Variants in PRKN observed in about 807,000 individuals in gnomAD.
PRKN encodes the protein E3 ubiquitin-protein ligase parkin.
PRKN carries 56 observed loss-of-function variants against 59.5 expected under a neutral mutation model. The observed-to-expected ratio is 0.94, with a 90% confidence interval of 0.76 to 1.18. The LOEUF (loss-of-function observed/expected upper bound fraction) is 1.18. PRKN is among the 50% of genes most tolerant of loss of function. The pLI is 0.00. For missense variants in PRKN, 657 were observed against 596.4 expected (o/e 1.10, Z -1.06); for synonymous variants, 250 against 222.1 (o/e 1.13, Z -1.12).
At chr6:161,828,882 A>G (rs2128218182) in intron 6 of PRKN, among the ~76,000 whole-genome samples, 1 of 151,640 alleles carries the variant, frequency 6.6e-6, no homozygotes, top group East Asian at 2.0e-4. Context: ...GTGAGCTGAG[A>G]TCACGCCATT....
chr6:161,674,692 T>C (rs1785026514), intron 7 of PRKN, among the ~76,000 whole-genome samples: 1 of 152,234 alleles, frequency 6.6e-6, no homozygotes, highest in Non-Finnish European at 1.5e-5. Context: ...GAACTGATGC[T>C]ATTTTTTCCT....
intron 3 of PRKN, among the ~76,000 whole-genome samples, chr6:162,222,297 A>G (rs536657832): frequency 2.0e-5 from 3 of 152,172 alleles, no homozygotes; most frequent in Non-Finnish European, 4.4e-5. Flanking sequence ...AAATCGGTTG[A>G]TTTTGAATTA....
intron 7 of PRKN, among the ~76,000 whole-genome samples, chr6:161,662,231 C>A (rs79719926): frequency 0.013 from 2,012 of 152,156 alleles, 42 homozygotes; most frequent in African/African-American, 0.046. Context: ...GAGGAATGTG[C>A]TATTTTGCGA....
intron 6 of PRKN, among the ~76,000 whole-genome samples, chr6:161,918,136 C>T (rs12174410): frequency 0.064 from 9,759 of 152,214 alleles, 407 homozygotes; most frequent in South Asian, 0.15. Flanking sequence ...CCCTGCTGTG[C>T]GGGATTTCTA....
intron 5 of PRKN, among the ~76,000 whole-genome samples, chr6:161,979,452 T>G (rs1248799411): frequency 6.6e-6 from 1 of 152,058 alleles, no homozygotes. Flanking sequence ...TTTTGTATTT[T>G]TAGTAGAGAT....
chr6:162,667,768 T>C lies in PRKN; in HGVS notation c.7+59894A>G, dbSNP rs189971926. Reference sequence around the variant, plus strand: ...GGAATCTCGATTCACCACTTAGAGCTGAGTAAAAATAGGCAAATTATTTAA... The same window carrying C: ...GGAATCTCGATTCACCACTTAGAGCCGAGTAAAAATAGGCAAATTATTTAA... On this transcript the variant is annotated intron_variant, in intron 1 of 11. Coordinates refer to ENST00000366898, the MANE Select transcript of PRKN (RefSeq NM_004562.3). 4.7e-3 allele frequency among the ~76,000 whole-genome samples: 719 copies of C among 152,248 alleles called. 18 individuals carry two copies. The highest frequency in any genetic ancestry group is 0.042 in the Admixed American group (639 of 15,296).
Position 162,262,733 on chromosome 6 carries a change from G to A in PRKN, c.204C>T (p.His68=), listed in dbSNP as rs753258149. 3 of 1,596,976 alleles carry A rather than the reference G, an allele frequency of 1.9e-6. No homozygotes were observed. Among genetic ancestry groups the A allele is most frequent in the African/African-American group, 2.7e-5 (2 of 73,044 alleles). The part of the protein sequence containing the change: ...NCDLDQQSIV[H]IVQRPWRKGQ... ...CTTTTCTCCACGGTCTCTGCACAAT[G>A]TGAACAATGCTCTGCTGATCCAGGT... The change falls in exon 3 of 12, where the codon CAC becomes CAT. Residue 68 remains histidine (H), a synonymous_variant. Transcript: ENST00000366898.
chr6:161,664,688 C>T (rs971573693), intron 7 of PRKN, among the ~76,000 whole-genome samples: 7 of 152,050 alleles, frequency 4.6e-5, no homozygotes, highest in African/African-American at 1.7e-4. Flanking sequence ...GAATTTCAGT[C>T]TGGATTTTAA....
At chr6:162,174,625 T>C (rs7453183) in intron 4 of PRKN, among the ~76,000 whole-genome samples, 122,658 of 152,140 alleles carry the variant, frequency 0.81, 52,746 homozygotes, top group Non-Finnish European at 0.97. Flanking sequence ...TCACTATCTA[T>C]TTTGGCTTCA....
chr6:162,336,620 G>A (rs1236779539), intron 2 of PRKN, among the ~76,000 whole-genome samples: 2 of 152,234 alleles, frequency 1.3e-5, no homozygotes, highest in African/African-American at 2.4e-5. Context: ...GAGATTGCAT[G>A]TGAGCGGGAC....
intron 6 of PRKN, among the ~76,000 whole-genome samples, chr6:161,950,550 A>G (rs1184674557): frequency 6.6e-6 from 1 of 152,152 alleles, no homozygotes; most frequent in Non-Finnish European, 1.5e-5. Flanking sequence ...GTCTCAAAAA[A>G]AGTGGTTCTC....
At position 161,363,015 on chromosome 6, in the gene PRKN, G is replaced by A. The variant is rs1360626782; in HGVS notation, c.1168-2810C>T. On this transcript the variant is annotated intron_variant, in intron 10 of 11. Transcript: ENST00000366898. The surrounding 1 kb of genome is among the most constrained non-coding windows in gnomAD (Gnocchi z 4.1). ...CCAGCACTTTGGGAGGCTGAGGCAG[G>A]TGGATCACTTGAGGCCGGGTGTTCA... 6.6e-6 allele frequency among the ~76,000 whole-genome samples: 1 copy of A among 152,188 alleles called. No individual in the cohort carries two copies. Among genetic ancestry groups the A allele is most frequent in the African/African-American group, 2.4e-5 (1 of 41,440 alleles).
intron 1 of PRKN, among the ~76,000 whole-genome samples, chr6:162,602,963 C>G (rs992904690): frequency 6.6e-6 from 1 of 152,128 alleles, no homozygotes; most frequent in Non-Finnish European, 1.5e-5. Flanking sequence ...GGGTTCTTGG[C>G]TGACATTACC....
At chr6:161,864,195 G>T (rs76355691) in intron 6 of PRKN, among the ~76,000 whole-genome samples, 147 of 152,246 alleles carry the variant, frequency 9.7e-4, no homozygotes, top group African/African-American at 3.5e-3. Context: ...ACTCACGGTA[G>T]AATTTTTTCA....
intron 2 of PRKN, among the ~76,000 whole-genome samples, chr6:162,415,054 C>T (rs1346852503): frequency 6.6e-6 from 1 of 152,238 alleles, no homozygotes; most frequent in South Asian, 2.1e-4. Context: ...GTAAACAACA[C>T]CTCTTCAAAA....
At chr6:162,007,089 C>T (rs912941552) in intron 5 of PRKN, among the ~76,000 whole-genome samples, 4 of 151,914 alleles carry the variant, frequency 2.6e-5, no homozygotes, top group South Asian at 2.1e-4. Flanking sequence ...TTTAGAAGAA[C>T]GATGGAAAAT....
chr6:162,531,398 C>A (rs1384056099), intron 1 of PRKN, among the ~76,000 whole-genome samples: 1 of 152,090 alleles, frequency 6.6e-6, no homozygotes, highest in Non-Finnish European at 1.5e-5. Flanking sequence ...GTGCGGGAGA[C>A]CTGAGTTTTA....
At chr6:162,090,222 G>A (rs9347586) in intron 4 of PRKN, among the ~76,000 whole-genome samples, 48,776 of 151,812 alleles carry the variant, frequency 0.32, 8,511 homozygotes, top group East Asian at 0.63. Context: ...TAGAGAAGTC[G>A]TGTTAGGCTT....
chr6:162,287,830 TAATGTAG>T (rs1781263755), intron 2 of PRKN, among the ~76,000 whole-genome samples: 1 of 152,126 alleles, frequency 6.6e-6, no homozygotes, highest in Non-Finnish European at 1.5e-5. Flanking sequence ...GAGAAAAGCC[TAATGTAG>T]AATTCGCAGC....
Sources: gnomAD v4.1 joint callset for allele counts (sites outside exome capture counted in the v4.1 genomes callset) on GRCh38, gnomAD v4.1.1 for gene constraint, Gnocchi (gnomAD v3.1) non-coding constraint, MANE v1.5 for transcripts, NCBI Gene and HGNC (gene_info 2026-07-23, HGNC 2026-07-21) for gene names.